The following MYT1L variants were observed in gnomAD, a reference collection of about 807,000 sequenced individuals.
MYT1L encodes the protein myelin transcription factor 1-like protein.
A neutral mutation model predicts 126.7 loss-of-function variants in MYT1L; 12 were observed. That is an observed-to-expected ratio of 0.09 (90% CI 0.06 to 0.15). The LOEUF is 0.15. MYT1L is among the 10% of genes least tolerant of loss of function. The pLI is 1.00. For synonymous variants in MYT1L, 541 were observed against 604.2 expected (o/e 0.90, Z 1.53); for missense variants, 979 against 1,585.2 (o/e 0.62, Z 6.49).
Position 1,973,332 on chromosome 2 carries a change from T to C in MYT1L, c.152+5833A>G, listed in dbSNP as rs553276079. 3.3e-5 allele frequency among the ~76,000 whole-genome samples: 5 copies of C among 152,346 alleles called. No individual in the cohort carries two copies. In the South Asian group the frequency reaches 1.0e-3, roughly 32 times the overall value. On this transcript the variant is annotated intron_variant, in intron 8 of 24. Coordinates refer to ENST00000647738, the MANE Select transcript of MYT1L (RefSeq NM_001303052.2). ...TGATTATTCCTATTTCTAATTTTTA[T>C]TGGGAAATTTTAGGAAAAAGGATTT...
intron 8 of MYT1L, among the ~76,000 whole-genome samples, chr2:1,951,630 G>T (rs2057759370): frequency 6.6e-6 from 1 of 152,134 alleles, no homozygotes; most frequent in Non-Finnish European, 1.5e-5. Context: ...ATCTGCCCCT[G>T]TTTAACCGCG....
chr2:2,256,665 C>A (rs2094821832), intron 2 of MYT1L, among the ~76,000 whole-genome samples: 1 of 152,206 alleles, frequency 6.6e-6, no homozygotes, highest in African/African-American at 2.4e-5. Flanking sequence ...CAATAAGCAG[C>A]ATTTGGGAAT....
At chr2:2,063,285 T>G (rs2070773408) in intron 3 of MYT1L, among the ~76,000 whole-genome samples, 1 of 152,248 alleles carries the variant, frequency 6.6e-6, no homozygotes. Flanking sequence ...TTCAACAGTC[T>G]TTATTTTCTT....
intron 1 of MYT1L, among the ~76,000 whole-genome samples, chr2:2,309,216 C>A (rs1573438092): frequency 6.6e-6 from 1 of 150,902 alleles, no homozygotes. Context: ...ACTCCACCTG[C>A]ACTTCAGTAC....
chr2:1,839,074 C>G, intron 21 of MYT1L, 75 bp downstream of exon 21: 1 of 1,321,726 alleles, frequency 7.6e-7, no homozygotes, highest in Admixed American at 2.3e-5. Flanking sequence ...GCACCTGCTG[C>G]CGTCATAACC....
chr2:1,956,238 A>ATCTG (rs1558530333), intron 8 of MYT1L, among the ~76,000 whole-genome samples: 1 of 121,332 alleles, frequency 8.2e-6, no homozygotes, highest in Admixed American at 8.3e-5. Context: ...TCTATCATCT[A>ATCTG]TCTATCCTAT....
At chr2:1,794,813 A>G (rs1302504330) in intron 23 of MYT1L, among the ~76,000 whole-genome samples, 1 of 152,138 alleles carries the variant, frequency 6.6e-6, no homozygotes, top group East Asian at 1.9e-4. Context: ...CTCAAAATGG[A>G]ACAAATCTCA....
At chr2:2,126,572 C>T (rs1198977120) in intron 3 of MYT1L, among the ~76,000 whole-genome samples, 3 of 152,136 alleles carry the variant, frequency 2.0e-5, no homozygotes, top group African/African-American at 7.2e-5. Context: ...GTGTTCTGAT[C>T]AGAGGAACCA....
chr2:1,976,282 T>A (rs2060179233), intron 8 of MYT1L, among the ~76,000 whole-genome samples: 1 of 152,172 alleles, frequency 6.6e-6, no homozygotes, highest in African/African-American at 2.4e-5. Flanking sequence ...CCGGCATGAA[T>A]GGGCAAGAAT....
At chr2:2,067,626 T>C (rs575833027) in intron 3 of MYT1L, among the ~76,000 whole-genome samples, 8 of 152,254 alleles carry the variant, frequency 5.3e-5, no homozygotes, top group Admixed American at 5.2e-4. Flanking sequence ...GATGACTATG[T>C]ACTTAAACCT....
chr2:1,798,851 T>C (rs1190691943), intron 23 of MYT1L, among the ~76,000 whole-genome samples: 1 of 152,192 alleles, frequency 6.6e-6, no homozygotes, highest in African/African-American at 2.4e-5. Flanking sequence ...CCCCGGGCAG[T>C]GGCCGAGGCA....
intron 2 of MYT1L, among the ~76,000 whole-genome samples, chr2:2,266,284 T>TGACA (rs2095127744): frequency 6.6e-6 from 1 of 152,192 alleles, no homozygotes. Flanking sequence ...TCCCAAAATA[T>TGACA]GACATTGCTC....
In MYT1L at chr2:1,792,186, A is replaced by T. The variant is rs2032221718; in HGVS notation, c.3420+135T>A. The T allele has an allele frequency of 3.9e-6, 5 of 1,292,808 alleles. No individual in the cohort carries two copies. In the East Asian group the frequency reaches 1.0e-4, roughly 26 times the overall value. The allele number at this position is 1,292,808 out of a possible 1,614,324, so 80.1% of individuals were successfully genotyped here. ...GCCCATGTTTCTAGCAGTTAATGGT[A>T]TGGTTTCGGGGTGGTAACCACAAAC... On this transcript the variant is annotated intron_variant, in intron 24 of 24. Coordinates refer to ENST00000647738, the MANE Select transcript of MYT1L (RefSeq NM_001303052.2).
At chr2:1,871,733 A>G (rs2046314545) in intron 18 of MYT1L, among the ~76,000 whole-genome samples, 1 of 152,140 alleles carries the variant, frequency 6.6e-6, no homozygotes, top group Non-Finnish European at 1.5e-5. Context: ...AATGGCTTAA[A>G]CAAGTATGTG....
At chr2:2,198,708 A>G (rs1351140313) in intron 2 of MYT1L, among the ~76,000 whole-genome samples, 2 of 151,948 alleles carry the variant, frequency 1.3e-5, no homozygotes, top group Admixed American at 1.3e-4. Context: ...AAATACAAAA[A>G]TTAGCCAGGC....
At chr2:1,985,049 G>A (rs781715071) in intron 5 of MYT1L, among the ~76,000 whole-genome samples, 2 of 152,256 alleles carry the variant, frequency 1.3e-5, no homozygotes. Context: ...GGACATGGGG[G>A]CTTGGACTGC....
intron 3 of MYT1L, among the ~76,000 whole-genome samples, chr2:2,101,339 A>G (rs2078048065): frequency 6.6e-6 from 1 of 152,124 alleles, no homozygotes; most frequent in South Asian, 2.1e-4. Flanking sequence ...CATTCACATG[A>G]CTGTATGCTG....
chr2:1,842,360 G>T (rs2041849090), intron 19 of MYT1L: 1 of 152,556 alleles, frequency 6.6e-6, no homozygotes, highest in Non-Finnish European at 1.5e-5. Context: ...TGGGCAGAAA[G>T]GAGGTTGTCA....
At chr2:1,898,027 T>C (rs2049848634) in intron 14 of MYT1L, among the ~76,000 whole-genome samples, 1 of 152,176 alleles carries the variant, frequency 6.6e-6, no homozygotes, top group Admixed American at 6.5e-5. Context: ...GTTGATGTAA[T>C]AATAATAAAC....
Sources: allele counts gnomAD v4.1 joint callset (sites outside exome capture counted in the v4.1 genomes callset), GRCh38; gene constraint gnomAD v4.1.1; transcripts MANE v1.5; gene names NCBI Gene and HGNC (gene_info 2026-07-23, HGNC 2026-07-21).